The following SLC5A12 variants were observed in gnomAD, a reference collection of about 807,000 sequenced individuals.
SLC5A12 encodes sodium-coupled monocarboxylate transporter 2.
Under a neutral mutation model 72.7 loss-of-function variants are expected in SLC5A12, and 46 were observed. The observed-to-expected ratio is 0.63, with a 90% CI of 0.50 to 0.81. The LOEUF is 0.81. Ranked by LOEUF, SLC5A12 falls within the 30% of genes least tolerant of loss-of-function variation. SLC5A12 has a pLI of 0.00. For missense variants in SLC5A12, 683 were observed against 740.7 expected (o/e 0.92, Z 0.90); for synonymous variants, 275 against 264.4 (o/e 1.04, Z -0.39).
At chr11:26,705,836 T>A (rs1163947038) in intron 4 of SLC5A12, among the ~76,000 whole-genome samples, 1 of 151,896 alleles carries the variant, frequency 6.6e-6, no homozygotes, top group East Asian at 1.9e-4. Flanking sequence ...AACCACTTTA[T>A]CAGATATTAA....
chr11:26,667,228 A>T lies in SLC5A12; in HGVS notation c.*3874T>A, dbSNP rs1854016136. The T allele has an allele frequency of 6.6e-6, 1 of 151,932 alleles. No individual in the cohort carries two copies. Among genetic ancestry groups the T allele is most frequent in the Admixed American group, 6.6e-5 (1 of 15,222 alleles). 9.4% of individuals were successfully genotyped at this position (151,932 alleles called of 1,614,324 possible). A position where few individuals can be genotyped will look rare whatever the true frequency, so the allele number is the denominator to read the frequency against. ...GTACATGAGACTTGTAAATATACAA[A>T]TGTGCATGTACATACAGCTATAACT... On this transcript the variant is annotated 3_prime_UTR_variant, in exon 15 of 15. Coordinates refer to ENST00000396005, the MANE Select transcript of SLC5A12 (RefSeq NM_178498.4).
chr11:26,723,199 T>A (rs1262454929), upstream of SLC5A12: 1 of 152,368 alleles, frequency 6.6e-6, no homozygotes, highest in Non-Finnish European at 1.5e-5. Context: ...CAAAAAACGC[T>A]CTAATTTTGC....
At chr11:26,697,319 A>G in intron 7 of SLC5A12, 67 bp from the exon 8 acceptor site, 2 of 1,432,524 alleles carry the variant, frequency 1.4e-6, no homozygotes, top group Non-Finnish European at 1.9e-6. Context: ...AAGAGAAGAG[A>G]GAGAAAAAAA....
At chr11:26,675,969 C>CTGTGTGTGTGTGTG (rs10695732) in intron 13 of SLC5A12, among the ~76,000 whole-genome samples, 13 of 150,604 alleles carry the variant, frequency 8.6e-5, no homozygotes, top group African/African-American at 3.2e-4. Context: ...GTGCATGTAT[C>CTGTGTGTGTGTGTG]TGTGTGTGTG....
At chr11:26,678,252 C>T (rs1028755436) in intron 13 of SLC5A12, among the ~76,000 whole-genome samples, 9 of 152,266 alleles carry the variant, frequency 5.9e-5, no homozygotes, top group East Asian at 1.9e-4. Flanking sequence ...GAATATTTAA[C>T]CTTATTTACT....
At chr11:26,712,323 CA>C (rs549368198) in intron 2 of SLC5A12, among the ~76,000 whole-genome samples, 1 of 151,754 alleles carries the variant, frequency 6.6e-6, no homozygotes, top group East Asian at 1.9e-4. Flanking sequence ...AAAACAAAAA[CA>C]AAAAAAGCAA....
intron 8 of SLC5A12, among the ~76,000 whole-genome samples, chr11:26,695,511 T>A (rs1055980803): frequency 1.1e-4 from 16 of 152,306 alleles, no homozygotes; most frequent in Admixed American, 5.9e-4. Context: ...TGGAGAAACC[T>A]TTTTGAGAAT....
chr11:26,672,869 C>T lies in SLC5A12; in HGVS notation c.1707+533G>A, dbSNP rs565659148. 2.0e-5 allele frequency among the ~76,000 whole-genome samples: 3 copies of T among 152,240 alleles called. No individual in the cohort carries two copies. In the East Asian group the frequency reaches 5.8e-4, roughly 29 times the overall value. On this transcript the variant is annotated intron_variant, in intron 14 of 14. Coordinates refer to ENST00000396005, the MANE Select transcript of SLC5A12 (RefSeq NM_178498.4). ...TGCGTCTTTGCCTGTACATTCCCAC[C>T]ATGACCTTGCTTTACGTTTATATCC...
chr11:26,679,155 T>A (rs1485452631), intron 12 of SLC5A12, among the ~76,000 whole-genome samples: 1 of 152,086 alleles, frequency 6.6e-6, no homozygotes, highest in Non-Finnish European at 1.5e-5. Flanking sequence ...ATTAGTGATA[T>A]AAAGATGAGA....
At chr11:26,712,797 G>C (rs1399000891) in intron 1 of SLC5A12, 91 bp from the exon 2 acceptor site, 2 of 738,366 alleles carry the variant, frequency 2.7e-6, no homozygotes, top group Non-Finnish European at 4.3e-6. Flanking sequence ...CCTCTGTTGT[G>C]CTCTGGACTT....
rs749549518 is a variant in SLC5A12, at chr11:26,669,213, TTC to T, written c.*1887_*1888del. 1 of 110,962 alleles carries T rather than the reference TTC, an allele frequency of 9.0e-6. No individual in the cohort carries two copies. Among genetic ancestry groups the T allele is most frequent in the Admixed American group, 8.7e-5 (1 of 11,446 alleles). The allele number at this position is 110,962 out of a possible 1,614,324, so 6.9% of individuals were successfully genotyped here. A position where few individuals can be genotyped will look rare whatever the true frequency, so the allele number is the denominator to read the frequency against. ...TTTCTTTCTTTCTTTCTTTCTTTCT[TTC>T]TTTCTCTCTCTCCCTCCCTCTTTCT... On this transcript the variant is annotated 3_prime_UTR_variant, in exon 15 of 15. Transcript: ENST00000396005.
At chr11:26,720,322 C>A (rs1176445534) in intron 1 of SLC5A12, among the ~76,000 whole-genome samples, 1 of 44,512 alleles carries the variant, frequency 2.2e-5, no homozygotes, top group East Asian at 5.3e-4. Flanking sequence ...AAAGCCCCAT[C>A]TCATAAATAA....
intron 8 of SLC5A12, 42 bp downstream of exon 8, chr11:26,697,122 T>A: frequency 1.3e-6 from 2 of 1,520,732 alleles, no homozygotes; most frequent in Non-Finnish European, 1.8e-6. Flanking sequence ...ATCCTTGTTA[T>A]CCTTTCCATC....
chr11:26,697,396 G>A (rs1017875865), intron 7 of SLC5A12, 144 bp from the exon 8 acceptor site: 6 of 668,386 alleles, frequency 9.0e-6, no homozygotes, highest in African/African-American at 3.7e-5. Flanking sequence ...AAAGGAGGTA[G>A]GAAGTTTATT....
chr11:26,721,854 C>T lies in SLC5A12; in HGVS notation c.-140G>A. On this transcript the variant is annotated 5_prime_UTR_variant, in exon 1 of 15. The change creates a new upstream start codon in the 5' untranslated region. Transcript: ENST00000396005. ...CTGAAGAAAATGATTACCAGAGGCA[C>T]TCGTGTGAATCTTCAGACACCAACG... 2 of 751,536 alleles carry T rather than the reference C, an allele frequency of 2.7e-6. No individual in the cohort carries two copies. The highest frequency in any genetic ancestry group is 2.2e-6 in the Non-Finnish European group (1 of 450,484). 46.6% of individuals were successfully genotyped at this position (751,536 alleles called of 1,614,324 possible). A position where few individuals can be genotyped will look rare whatever the true frequency, so the allele number is the denominator to read the frequency against.
chr11:26,688,841 G>C (rs1854598102), intron 9 of SLC5A12, among the ~76,000 whole-genome samples: 1 of 152,078 alleles, frequency 6.6e-6, no homozygotes, highest in Non-Finnish European at 1.5e-5. Context: ...GCAATTCCAT[G>C]CCTAGCTATT....
At position 26,699,872 on chromosome 11, in the gene SLC5A12, G is replaced by T. The variant is rs186286229; in HGVS notation, c.822-1337C>A. On this transcript the variant is annotated intron_variant, in intron 6 of 14. Transcript: ENST00000396005. ...TTTTGTGTTCCCAGAGCACTGAACA[G>T]TTCCAGCATATAGCAAATATAAAAT... 2.1e-4 allele frequency among the ~76,000 whole-genome samples: 32 copies of T among 152,258 alleles called. No homozygotes were observed. In the East Asian group the frequency reaches 5.6e-3, roughly 27 times the overall value.
intron 1 of SLC5A12, 117 bp from the exon 2 acceptor site, chr11:26,712,823 G>A: frequency 2.0e-6 from 1 of 502,398 alleles, no homozygotes; most frequent in Admixed American, 2.8e-5. Flanking sequence ...CTGATTTTAT[G>A]ATATGTATCC....
chr11:26,722,554 C>A (rs1855502356), upstream of SLC5A12, among the ~76,000 whole-genome samples: 2 of 152,100 alleles, frequency 1.3e-5, no homozygotes, highest in Non-Finnish European at 2.9e-5. Context: ...CATAGCTTTT[C>A]TTTCTTTATT....
Sources: allele counts gnomAD v4.1 joint callset (sites outside exome capture counted in the v4.1 genomes callset), GRCh38; gene constraint gnomAD v4.1.1; transcripts MANE v1.5; gene names NCBI Gene and HGNC (gene_info 2026-07-23, HGNC 2026-07-21).